The following NBAS variants were observed in gnomAD, a reference collection of about 807,000 sequenced individuals.
NBAS encodes NAG/BC035112 fusion.
Under a neutral mutation model 302.5 loss-of-function variants are expected in NBAS, and 219 were observed. That is an observed-to-expected ratio of 0.72 (90% CI 0.65 to 0.81). The LOEUF (loss-of-function observed/expected upper bound fraction) is 0.81, where lower values mean the gene tolerates loss of function less well. Ranked by LOEUF, NBAS falls within the 30% of genes least tolerant of loss-of-function variation. The pLI is 0.00. For missense variants in NBAS, 2,932 were observed against 2,841.6 expected, an observed-to-expected ratio of 1.03 and a Z score of -0.72; for synonymous variants, 1,118 against 1,021.6, an observed-to-expected ratio of 1.09 and a Z score of -1.80.
chr2:15,318,177 C>T (rs1671607335), intron 38 of NBAS, among the ~76,000 whole-genome samples: 1 of 152,150 alleles, frequency 6.6e-6, no homozygotes, highest in Non-Finnish European at 1.5e-5. Flanking sequence ...GAAATAAAAT[C>T]CTTTACAGAC....
the NBAS span, among the ~76,000 whole-genome samples, chr2:14,998,499 C>T: frequency 1.8e-3 from 277 of 152,218 alleles, 2 homozygotes; most frequent in Middle Eastern, 6.8e-3. Context: ...ACCTTACCTA[C>T]GTGAAGCCCA....
the NBAS span, among the ~76,000 whole-genome samples, chr2:14,880,957 C>G: frequency 1.3e-5 from 2 of 148,838 alleles, no homozygotes; most frequent in African/African-American, 5.0e-5. Context: ...AATTTATTTA[C>G]AAGAAGAAAA....
the NBAS span, among the ~76,000 whole-genome samples, chr2:15,034,298 A>AAGAAAG: frequency 7.5e-6 from 1 of 132,672 alleles, no homozygotes; most frequent in Non-Finnish European, 1.6e-5. Context: ...GAAAGAAAGA[A>AAGAAAG]AGAAAGATGG....
the NBAS span, among the ~76,000 whole-genome samples, chr2:15,144,044 T>A: frequency 1.1e-5 from 1 of 94,910 alleles, no homozygotes; most frequent in Non-Finnish European, 2.0e-5. Context: ...ATCCTATATA[T>A]AAAAATATAT....
the NBAS span, among the ~76,000 whole-genome samples, chr2:14,848,509 C>T: frequency 2.1e-5 from 3 of 144,260 alleles, no homozygotes; most frequent in Non-Finnish European, 3.0e-5. Context: ...GAGGGGCGCC[C>T]GCCATTGCCC....
At chr2:15,530,685 C>A (rs1663173877) in intron 9 of NBAS, among the ~76,000 whole-genome samples, 1 of 151,518 alleles carries the variant, frequency 6.6e-6, no homozygotes. Context: ...AATTACAGGT[C>A]ATTCTAAGAG....
chr2:15,002,584 G>C, the NBAS span, among the ~76,000 whole-genome samples: 3 of 152,312 alleles, frequency 2.0e-5, no homozygotes, highest in East Asian at 5.8e-4. Context: ...GTGGAGCAGG[G>C]GGTGGCACTC....
chr2:14,878,258 CCTGAAGAGAGGAAAGAGCTG>C, the NBAS span, among the ~76,000 whole-genome samples: 2 of 152,104 alleles, frequency 1.3e-5, no homozygotes, highest in Non-Finnish European at 1.5e-5. Flanking sequence ...CAAGAGCACA[CCTGAAGAGAGGAAAGAGCTG>C]CTGAACAGAG....
chr2:14,866,936 C>A, the NBAS span, among the ~76,000 whole-genome samples: 1 of 152,144 alleles, frequency 6.6e-6, no homozygotes, highest in Non-Finnish European at 1.5e-5. Context: ...ACTAACAACT[C>A]ACAGATCTAA....
chr2:15,456,897 G>GT (rs34542047), intron 21 of NBAS, among the ~76,000 whole-genome samples: 93,835 of 151,814 alleles, frequency 0.62, 29,790 homozygotes, highest in Non-Finnish European at 0.68. Flanking sequence ...TTAGGAGTAA[G>GT]GCTATGAAGA....
intron 35 of NBAS, among the ~76,000 whole-genome samples, chr2:15,338,235 A>G (rs1292133961): frequency 6.6e-6 from 1 of 152,162 alleles, no homozygotes; most frequent in Non-Finnish European, 1.5e-5. Context: ...TTTCTGAGAA[A>G]TCTATTGGCC....
In NBAS at chr2:15,383,303, C is replaced by A. The variant is rs1400877378; in HGVS notation, c.3272G>T (p.Ser1091Ile). Residue 1091 changes from serine (S) to isoleucine (I), a missense_variant, in exon 29 of 52, where the codon AGT (serine) becomes ATT (isoleucine). Transcript: ENST00000281513. ...RHTGRKQPPV[S>I]ESHWRTLLQD... The stretch of plus-strand genomic sequence containing the variant: ...CAGCAACGTTCTCCAATGAGACTCA[C>A]TGACAGGAGGCTGCCTGGAAAAACA... 1 of 1,613,736 alleles carries A rather than the reference C, an allele frequency of 6.2e-7. No individual in the cohort carries two copies. Among genetic ancestry groups the A allele is most frequent in the East Asian group, 2.2e-5 (1 of 44,854 alleles).
the NBAS span, among the ~76,000 whole-genome samples, chr2:14,891,447 A>G: frequency 7.9e-5 from 12 of 152,306 alleles, no homozygotes; most frequent in African/African-American, 2.6e-4. Context: ...AAGCTTGTCA[A>G]TAAGTGTGTG....
the NBAS span, among the ~76,000 whole-genome samples, chr2:14,977,648 C>T: frequency 6.6e-6 from 1 of 152,194 alleles, no homozygotes; most frequent in Non-Finnish European, 1.5e-5. Flanking sequence ...TTAGAAATCT[C>T]ACATTCCATT....
At chr2:15,054,899 T>C in the NBAS span, among the ~76,000 whole-genome samples, 1 of 152,236 alleles carries the variant, frequency 6.6e-6, no homozygotes, top group Non-Finnish European at 1.5e-5. Flanking sequence ...CATTGTTTTC[T>C]GGCCAAATAA....
At chr2:14,779,533 C>T in the NBAS span, among the ~76,000 whole-genome samples, 2 of 152,182 alleles carry the variant, frequency 1.3e-5, no homozygotes, top group East Asian at 3.9e-4. Context: ...CTCAAACCCA[C>T]CAGGCTGGCT....
the NBAS span, among the ~76,000 whole-genome samples, chr2:15,114,571 A>G: frequency 6.6e-6 from 1 of 152,174 alleles, no homozygotes; most frequent in African/African-American, 2.4e-5. Context: ...ATTATAAGAG[A>G]CTTGAAAATA....
intron 8 of NBAS, among the ~76,000 whole-genome samples, chr2:15,535,285 G>A: frequency 6.6e-6 from 1 of 152,232 alleles, no homozygotes; most frequent in African/African-American, 2.4e-5. Flanking sequence ...ACTTTGGGAG[G>A]CCGAGGCGGG....
At chr2:14,968,443 T>C in the NBAS span, among the ~76,000 whole-genome samples, 1 of 152,192 alleles carries the variant, frequency 6.6e-6, no homozygotes. Context: ...TGTTCTTTTT[T>C]AGAGTTGTGG....
Sources: gnomAD v4.1 joint callset for allele counts (sites outside exome capture counted in the v4.1 genomes callset) on GRCh38, gnomAD v4.1.1 for gene constraint, MANE v1.5 for transcripts, NCBI Gene and HGNC (gene_info 2026-07-23, HGNC 2026-07-21) for gene names.